TIMP2: variants seen among roughly 807,000 people sequenced by gnomAD.
The protein encoded by TIMP2 is TIMP metallopeptidase inhibitor 2.
TIMP2 carries 5 observed loss-of-function variants against 24.3 expected under a neutral mutation model. That is an observed-to-expected ratio of 0.21 (90% CI 0.11 to 0.43). The LOEUF (loss-of-function observed/expected upper bound fraction) is 0.43, where lower values mean the gene tolerates loss of function less well. Ranked by LOEUF, TIMP2 falls within the 20% of genes least tolerant of loss-of-function variation. TIMP2 has a pLI of 1.00. For synonymous variants in TIMP2, 130 were observed against 123.2 expected, an observed-to-expected ratio of 1.06 and a Z score of -0.37; for missense variants, 221 against 297.5, an observed-to-expected ratio of 0.74 and a Z score of 1.89.
intron 1 of TIMP2, among the ~76,000 whole-genome samples, chr17:78,900,558 A>AG (rs1459731860): frequency 1.3e-5 from 2 of 150,398 alleles, no homozygotes; most frequent in Non-Finnish European, 3.0e-5. Flanking sequence ...AAAAAAAAAA[A>AG]ATGTGTTTTT....
chr17:78,868,256 C>CT lies in TIMP2; in HGVS notation c.340+2641dup, dbSNP rs547144704. 8.0e-3 allele frequency among the ~76,000 whole-genome samples: 1,184 copies of CT among 148,638 alleles called. 10 individuals carry two copies. Among genetic ancestry groups the CT allele is most frequent in the East Asian group, 0.05 (254 of 5,092 alleles). ...TTGTCTTGTCTCTTCTTTCTTTTCT[C>CT]TTTTTTTTTTGTGAGATGGGGTCTT... On this transcript the variant is annotated intron_variant, in intron 3 of 4. Transcript: ENST00000262768.
At chr17:78,883,923 G>T (rs1396883001) in intron 1 of TIMP2, among the ~76,000 whole-genome samples, 1 of 152,226 alleles carries the variant, frequency 6.6e-6, no homozygotes, top group Non-Finnish European at 1.5e-5. Context: ...TCTCATGCCA[G>T]AGCCTCCGGC....
At chr17:78,890,859 G>C (rs895877559) in intron 1 of TIMP2, 10 of 1,550,576 alleles carry the variant, frequency 6.4e-6, no homozygotes, top group Middle Eastern at 1.7e-4. Context: ...TGGGCCAGTC[G>C]AGCTCTTCTT....
At chr17:78,898,901 C>T (rs1286525147) in intron 1 of TIMP2, 3 of 152,188 alleles carry the variant, frequency 2.0e-5, no homozygotes, top group Non-Finnish European at 2.9e-5. Context: ...CCATGCCTGG[C>T]TAATTTTTGT....
In TIMP2 at chr17:78,892,282, C is replaced by T. The variant is rs774869018; in HGVS notation, c.131-18363G>A. The T allele has an allele frequency of 9.0e-6, 14 of 1,550,644 alleles. No homozygotes were observed. The South Asian group carries it at 1.3e-4, about 14-fold the overall frequency. On this transcript the variant is annotated intron_variant, in intron 1 of 4. Transcript: ENST00000262768. ...GCAATTTGTGCTTTTTCCTCCAAAG[C>T]AGGTCTTCGTTATCAGGACAGAGGC...
intron 1 of TIMP2, chr17:78,897,546 CCA>C (rs1313707470): frequency 6.6e-6 from 1 of 152,186 alleles, no homozygotes; most frequent in Admixed American, 6.5e-5. Flanking sequence ...GTGAATCCAC[CCA>C]CAGTGGGTGA....
At chr17:78,861,138 T>A (rs919907627) in intron 3 of TIMP2, among the ~76,000 whole-genome samples, 11 of 152,128 alleles carry the variant, frequency 7.2e-5, no homozygotes, top group African/African-American at 2.4e-4. Flanking sequence ...AACAGACAGA[T>A]GGAAAGGAAC....
chr17:78,884,096 C>T (rs897202814), intron 1 of TIMP2, among the ~76,000 whole-genome samples: 39 of 152,244 alleles, frequency 2.6e-4, no homozygotes, highest in African/African-American at 9.4e-4. Flanking sequence ...AAACCCTAAG[C>T]CAGAGCCGGA....
intron 1 of TIMP2, among the ~76,000 whole-genome samples, chr17:78,879,461 A>T (rs2069759124): frequency 6.6e-6 from 1 of 152,194 alleles, no homozygotes; most frequent in African/African-American, 2.4e-5. Context: ...TGGCACAGAC[A>T]CGTTTACTGA....
chr17:78,906,523 T>C (rs1599173055), intron 1 of TIMP2, among the ~76,000 whole-genome samples: 1 of 152,034 alleles, frequency 6.6e-6, no homozygotes, highest in South Asian at 2.1e-4. Flanking sequence ...CTGATCAGGG[T>C]GGTGGTTGCT....
chr17:78,916,250 A>C (rs2070256909), intron 1 of TIMP2, among the ~76,000 whole-genome samples: 1 of 151,826 alleles, frequency 6.6e-6, no homozygotes, highest in African/African-American at 2.4e-5. Flanking sequence ...GCTCTGCTGG[A>C]CTCAATCTGG....
At chr17:78,868,846 C>T (rs963653437) in intron 3 of TIMP2, among the ~76,000 whole-genome samples, 2 of 152,166 alleles carry the variant, frequency 1.3e-5, no homozygotes, top group African/African-American at 4.8e-5. Flanking sequence ...CCCAGTGGTT[C>T]TCAAGCAGGG....
chr17:78,921,310 C>T (rs759623203), intron 1 of TIMP2, among the ~76,000 whole-genome samples: 1 of 151,988 alleles, frequency 6.6e-6, no homozygotes, highest in Non-Finnish European at 1.5e-5. Flanking sequence ...GGAGCTGGAG[C>T]TCCTCGGGGG....
intron 1 of TIMP2, among the ~76,000 whole-genome samples, chr17:78,923,062 C>T (rs1328700774): frequency 6.6e-6 from 1 of 152,062 alleles, no homozygotes; most frequent in Non-Finnish European, 1.5e-5. Context: ...TCACAGCGGC[C>T]ACAGGAAGCG....
At chr17:78,874,436 G>T (rs532420845) in intron 1 of TIMP2, among the ~76,000 whole-genome samples, 21 of 152,302 alleles carry the variant, frequency 1.4e-4, no homozygotes, top group African/African-American at 4.6e-4. Context: ...AGCTTTTCTG[G>T]GCTGAGGGCA....
At position 78,885,612 on chromosome 17, in the gene TIMP2, C is replaced by T. The variant is rs542907878; in HGVS notation, c.131-11693G>A. On this transcript the variant is annotated intron_variant, in intron 1 of 4. Coordinates refer to ENST00000262768, the MANE Select transcript of TIMP2 (RefSeq NM_003255.5). The stretch of plus-strand genomic sequence containing the variant: ...GGATTTAGGCTCGCAAGGCAGGGGG[C>T]AGGCCCTGTGCACTTGTGTCCGGAA... Among the ~76,000 whole-genome samples the T allele has an allele frequency of 3.4e-4, 52 of 152,306 alleles. 1 individual carries two copies. The South Asian group carries it at 0.011, about 32-fold the overall frequency.
rs145167414 is a variant in TIMP2 at position 78,855,730 on chromosome 17, G to A, written c.600C>T (p.Ser200=). ...FFACIKRSDG[S]CAWYRGAAPP... is the part of the protein sequence containing the mutation. ...GCGCCGCGCCGCGGTACCACGCACA[G>A]GAGCCGTCACTTCTCTTGATGCAGG... The change falls in exon 5 of 5, where the codon TCC becomes TCT. Residue 200 remains serine (S), a synonymous_variant. Transcript: ENST00000262768. The surrounding 1 kb of genome is among the most constrained non-coding windows in gnomAD (Gnocchi z 6.0). The A allele has an allele frequency of 6.6e-5, 106 of 1,614,074 alleles. No individual in the cohort carries two copies. The highest frequency in any genetic ancestry group is 8.5e-5 in the Non-Finnish European group (100 of 1,180,050).
intron 1 of TIMP2, among the ~76,000 whole-genome samples, chr17:78,914,734 C>T (rs1240838683): frequency 1.3e-5 from 2 of 151,926 alleles, no homozygotes; most frequent in Non-Finnish European, 2.9e-5. Context: ...TGCCACCACC[C>T]CTGGCTAATT....
chr17:78,903,680 A>G (rs1008668599), intron 1 of TIMP2, among the ~76,000 whole-genome samples: 8 of 152,190 alleles, frequency 5.3e-5, no homozygotes, highest in Non-Finnish European at 8.8e-5. Flanking sequence ...ACACAGGAGG[A>G]GAAGCCACAC....
Sources: allele counts gnomAD v4.1 joint callset (sites outside exome capture counted in the v4.1 genomes callset), GRCh38; gene constraint gnomAD v4.1.1; non-coding constraint Gnocchi (gnomAD v3.1); transcripts MANE v1.5; gene names NCBI Gene and HGNC (gene_info 2026-07-23, HGNC 2026-07-21).